RHOU: variants seen among roughly 807,000 people sequenced by gnomAD.
The protein encoded by RHOU is rho-related GTP-binding protein RhoU.
In RHOU, 8 loss-of-function variants were observed where a neutral mutation model predicts 12.6. The ratio of observed to expected loss-of-function variants is 0.64; its 90% CI spans 0.37 to 1.15. RHOU has a LOEUF of 1.15. Ranked by LOEUF, RHOU falls within the 50% of genes most tolerant of loss-of-function variation. The probability of loss-of-function intolerance (pLI) is 0.01; values close to 1 mark genes in which losing one functional copy is unlikely to be tolerated. For missense variants in RHOU, 258 were observed against 347.0 expected (o/e 0.74, Z 2.04); for synonymous variants, 161 against 147.4 (o/e 1.09, Z -0.67).
chr1:228,724,003 G>A, the RHOU span, among the ~76,000 whole-genome samples: 1 of 152,040 alleles, frequency 6.6e-6, no homozygotes, highest in African/African-American at 2.4e-5. Context: ...GCTCAAATAT[G>A]GCCTGCATGA....
the RHOU span, among the ~76,000 whole-genome samples, chr1:228,707,993 G>A: frequency 1.3e-5 from 2 of 152,132 alleles, no homozygotes; most frequent in African/African-American, 4.8e-5. Context: ...ACCAAGGCTC[G>A]AGAACTACAT....
the RHOU span, among the ~76,000 whole-genome samples, chr1:228,728,662 GT>G: frequency 6.6e-6 from 1 of 152,166 alleles, no homozygotes; most frequent in African/African-American, 2.4e-5. Flanking sequence ...TGATTTATAT[GT>G]TTGAATTTGT....
chr1:228,722,916 C>T, the RHOU span, among the ~76,000 whole-genome samples: 9 of 152,300 alleles, frequency 5.9e-5, no homozygotes, highest in East Asian at 3.9e-4. Context: ...CCACCATTCC[C>T]GGCCCCGGCC....
chr1:228,731,167 T>C (rs1015455731), upstream of RHOU, among the ~76,000 whole-genome samples: 2 of 152,094 alleles, frequency 1.3e-5, no homozygotes, highest in Admixed American at 1.3e-4. Context: ...TTTAGGGGAT[T>C]ATGAGCAAGG....
At chr1:228,659,153 C>T in the RHOU span, among the ~76,000 whole-genome samples, 5 of 152,058 alleles carry the variant, frequency 3.3e-5, no homozygotes, top group South Asian at 2.1e-4. Flanking sequence ...CTGAGGTGGG[C>T]GGATCACCTG....
At chr1:228,690,331 T>G in the RHOU span, among the ~76,000 whole-genome samples, 1 of 152,040 alleles carries the variant, frequency 6.6e-6, no homozygotes, top group African/African-American at 2.4e-5. Context: ...TTTGTTTTTT[T>G]TTTTTCTCTT....
the RHOU span, among the ~76,000 whole-genome samples, chr1:228,663,609 T>C: frequency 9.1e-6 from 1 of 109,706 alleles, no homozygotes; most frequent in Non-Finnish European, 1.8e-5. Context: ...GTTTTTCTTT[T>C]CTTTTCTTTT....
At chr1:228,685,644 A>C in the RHOU span, among the ~76,000 whole-genome samples, 1 of 152,236 alleles carries the variant, frequency 6.6e-6, no homozygotes, top group Non-Finnish European at 1.5e-5. Context: ...AAGATAACTA[A>C]AGTATTCAGA....
upstream of RHOU, among the ~76,000 whole-genome samples, chr1:228,730,662 T>C (rs1662477341): frequency 6.6e-6 from 1 of 152,218 alleles, no homozygotes; most frequent in Non-Finnish European, 1.5e-5. Context: ...GAAATATTCT[T>C]CTGATGTCCT....
the RHOU span, among the ~76,000 whole-genome samples, chr1:228,673,908 T>A: frequency 6.6e-6 from 1 of 152,254 alleles, no homozygotes; most frequent in Admixed American, 6.5e-5. Context: ...TATCTAGTGC[T>A]ACAGTTGCTG....
At chr1:228,718,843 C>T in the RHOU span, among the ~76,000 whole-genome samples, 1 of 152,082 alleles carries the variant, frequency 6.6e-6, no homozygotes, top group Non-Finnish European at 1.5e-5. Context: ...TGCGGGTGAC[C>T]CTGGATGCTC....
the RHOU span, among the ~76,000 whole-genome samples, chr1:228,722,933 T>C: frequency 5.3e-5 from 8 of 152,164 alleles, no homozygotes; most frequent in African/African-American, 1.9e-4. Context: ...GGCCTTCTCT[T>C]ATACATGTAA....
At chr1:228,677,711 T>C in the RHOU span, among the ~76,000 whole-genome samples, 2 of 152,042 alleles carry the variant, frequency 1.3e-5, no homozygotes, top group African/African-American at 2.4e-5. Flanking sequence ...GAATAGGACT[T>C]CATCAGGGTG....
the RHOU span, among the ~76,000 whole-genome samples, chr1:228,687,223 C>T: frequency 6.6e-6 from 1 of 152,168 alleles, no homozygotes; most frequent in Admixed American, 6.5e-5. Context: ...CGGGAGTGCT[C>T]ACCCACCTCA....
At chr1:228,729,038 G>A in the RHOU span, among the ~76,000 whole-genome samples, 1 of 152,050 alleles carries the variant, frequency 6.6e-6, no homozygotes, top group Non-Finnish European at 1.5e-5. Flanking sequence ...TGGGGCTACA[G>A]GTATGCACCA....
chr1:228,725,116 C>T, the RHOU span, among the ~76,000 whole-genome samples: 1 of 152,172 alleles, frequency 6.6e-6, no homozygotes, highest in Non-Finnish European at 1.5e-5. Flanking sequence ...CAAAATCCTT[C>T]CTGCTGTTCA....
At chr1:228,726,638 C>T in the RHOU span, among the ~76,000 whole-genome samples, 5 of 149,288 alleles carry the variant, frequency 3.3e-5, no homozygotes, top group Non-Finnish European at 5.9e-5. Flanking sequence ...GCAATCCAGC[C>T]TGGCCAAGAC....
the RHOU span, among the ~76,000 whole-genome samples, chr1:228,682,810 T>A: frequency 6.6e-6 from 1 of 152,202 alleles, no homozygotes; most frequent in Non-Finnish European, 1.5e-5. Flanking sequence ...TCAGTAAATT[T>A]ACTTGTAATT....
At chr1:228,672,165 A>G in the RHOU span, among the ~76,000 whole-genome samples, 5 of 152,212 alleles carry the variant, frequency 3.3e-5, no homozygotes, top group East Asian at 9.6e-4. Context: ...TTTCATATAT[A>G]TACACACATA....
Sources: allele counts gnomAD v4.1 joint callset (sites outside exome capture counted in the v4.1 genomes callset), GRCh38; gene constraint gnomAD v4.1.1; transcripts MANE v1.5; gene names NCBI Gene and HGNC (gene_info 2026-07-23, HGNC 2026-07-21).